The following RHAG variants were observed in gnomAD, a reference collection of about 807,000 sequenced individuals.
RHAG encodes the protein Rh associated glycoprotein.
Under a neutral mutation model 42.4 loss-of-function variants are expected in RHAG, and 25 were observed. The observed-to-expected ratio is 0.59, with a 90% CI of 0.43 to 0.82. The LOEUF (loss-of-function observed/expected upper bound fraction) is 0.82. Among genes scored for constraint, RHAG ranks in the 40% least tolerant of loss-of-function variants. The pLI is 0.00. For missense variants in RHAG, 483 were observed against 504.6 expected (o/e 0.96, Z 0.41); for synonymous variants, 182 against 177.7 (o/e 1.02, Z -0.19).
intron 1 of RHAG, among the ~76,000 whole-genome samples, chr6:49,625,814 G>C (rs562638473): frequency 3.7e-4 from 56 of 152,204 alleles, no homozygotes; most frequent in Admixed American, 3.9e-4. Context: ...AGGTTTAATT[G>C]ACTCACAGTT....
intron 4 of RHAG, 51 bp from the exon 5 acceptor site, chr6:49,614,904 C>A: frequency 3.3e-6 from 5 of 1,497,232 alleles, no homozygotes; most frequent in Non-Finnish European, 4.7e-6. Flanking sequence ...GAAGACAGTC[C>A]AGAGGATGCA....
intron 2 of RHAG, 87 bp from the exon 3 acceptor site, chr6:49,618,305 T>C (rs1762689257): frequency 7.1e-7 from 1 of 1,414,302 alleles, no homozygotes; most frequent in South Asian, 1.2e-5. Context: ...ACCAGGCACA[T>C]CCAGTGCTTC....
chr6:49,629,270 C>T (rs1171025408), intron 1 of RHAG, among the ~76,000 whole-genome samples: 1 of 151,674 alleles, frequency 6.6e-6, no homozygotes, highest in Admixed American at 6.6e-5. Flanking sequence ...AATCCCTGAG[C>T]TAGACATAAA....
At chr6:49,635,614 A>T (rs1221039769) in intron 1 of RHAG, among the ~76,000 whole-genome samples, 1 of 152,094 alleles carries the variant, frequency 6.6e-6, no homozygotes, top group Non-Finnish European at 1.5e-5. Flanking sequence ...AGACAGCTAG[A>T]CTTGGAGTCT....
chr6:49,619,359 A>G lies in RHAG; in HGVS notation c.161T>C (p.Phe54Ser). The G allele has an allele frequency of 6.2e-7, 1 of 1,613,612 alleles. No homozygotes were observed. Among genetic ancestry groups the G allele is most frequent in the South Asian group, 1.1e-5 (1 of 90,990 alleles). The change falls in exon 2 of 10, where the codon TTC becomes TCC. Residue 54 changes from phenylalanine to serine, a missense_variant. Coordinates refer to ENST00000371175, the MANE Select transcript of RHAG (RefSeq NM_000324.3). The stretch of plus-strand genomic sequence containing the variant: ...AAATATCATAACATGTACATCTTGG[A>G]ACACTGGAAAAGAGGAAAGGAAAAA... ...MGIFFELYPLFQDVHVMIFVG... is the reference protein window; with the variant it reads ...MGIFFELYPLSQDVHVMIFVG...
At chr6:49,632,138 T>G (rs1233699137) in intron 1 of RHAG, 1 of 152,204 alleles carries the variant, frequency 6.6e-6, no homozygotes, top group African/African-American at 2.4e-5. Context: ...ATGACATGTC[T>G]TTTTAATACG....
rs1040465937 is a variant in RHAG at position 49,616,335 on chromosome 6, G to A, written c.493-564C>T. Among the ~76,000 whole-genome samples, 148 of 95,784 alleles carry A rather than the reference G, an allele frequency of 1.5e-3. 2 individuals are homozygous for A. The highest frequency in any genetic ancestry group is 0.017 in the Middle Eastern group (2 of 116). 62.8% of individuals were successfully genotyped at this position (95,784 alleles called of 152,430 possible). ...ATTGCATTCCAGCCTAGGTGACAAA[G>A]CAAGAACTAATCTCAAACCAAAAAA... On this transcript the variant is annotated intron_variant, in intron 3 of 9. Transcript: ENST00000371175.
chr6:49,606,500 G>A (rs1774166172), intron 9 of RHAG, among the ~76,000 whole-genome samples: 1 of 151,694 alleles, frequency 6.6e-6, no homozygotes, highest in Non-Finnish European at 1.5e-5. Flanking sequence ...GATTTTATCT[G>A]GCTGGGCACA....
At chr6:49,624,648 A>C (rs1246979108) in intron 1 of RHAG, among the ~76,000 whole-genome samples, 1 of 152,224 alleles carries the variant, frequency 6.6e-6, no homozygotes, top group Non-Finnish European at 1.5e-5. Context: ...AAATGGGACT[A>C]ATACTTCATA....
intron 8 of RHAG, 28 bp from the exon 9 acceptor site, chr6:49,606,949 T>C (rs771546359): frequency 2.0e-6 from 3 of 1,533,694 alleles, no homozygotes; most frequent in East Asian, 2.2e-5. Flanking sequence ...AAATGAGTCA[T>C]GTTGTGACGC....
chr6:49,606,031 T>G (rs538635389), intron 9 of RHAG, among the ~76,000 whole-genome samples: 1 of 152,288 alleles, frequency 6.6e-6, no homozygotes, highest in East Asian at 1.9e-4. Flanking sequence ...TTTTCCAAAC[T>G]CATTCTCTCT....
intron 1 of RHAG, among the ~76,000 whole-genome samples, chr6:49,629,122 G>A (rs1052067198): frequency 5.3e-5 from 8 of 152,088 alleles, no homozygotes; most frequent in Non-Finnish European, 1.0e-4. Context: ...CCACACAAAG[G>A]TTCTCCAAGG....
At chr6:49,608,295 A>T (rs1009099) in intron 7 of RHAG, among the ~76,000 whole-genome samples, 8,354 of 152,262 alleles carry the variant, frequency 0.055, 265 homozygotes, top group South Asian at 0.08. Context: ...CTGTGAGAAC[A>T]TCTCCTCTGA....
At chr6:49,628,770 G>A (rs1329242834) in intron 1 of RHAG, among the ~76,000 whole-genome samples, 1 of 152,048 alleles carries the variant, frequency 6.6e-6, no homozygotes, top group African/African-American at 2.4e-5. Flanking sequence ...GTTCCTCCCG[G>A]TGGGCTCGTG....
At chr6:49,635,183 G>A (rs1279658098) in intron 1 of RHAG, among the ~76,000 whole-genome samples, 1 of 151,466 alleles carries the variant, frequency 6.6e-6, no homozygotes, top group East Asian at 1.9e-4. Flanking sequence ...TCAACCTGGT[G>A]TTGATCTCAA....
chr6:49,614,956 A>G (rs1006090322), intron 4 of RHAG, 103 bp from the exon 5 acceptor site: 57 of 1,158,156 alleles, frequency 4.9e-5, no homozygotes, highest in African/African-American at 6.2e-5. Context: ...TTGTTTATTT[A>G]TTTATTTTTG....
intron 1 of RHAG, among the ~76,000 whole-genome samples, chr6:49,620,301 G>C (rs1285821707): frequency 6.6e-6 from 1 of 152,158 alleles, no homozygotes; most frequent in African/African-American, 2.4e-5. Context: ...ATACGGTAAA[G>C]TATTATGCCA....
At chr6:49,615,229 C>G (rs897869467) in intron 4 of RHAG, 5 of 283,382 alleles carry the variant, frequency 1.8e-5, no homozygotes, top group Non-Finnish European at 3.4e-5. Context: ...GGATTACAGG[C>G]GTGAGCCACC....
At chr6:49,608,725 T>A (rs1207420260) in intron 7 of RHAG, among the ~76,000 whole-genome samples, 2 of 152,196 alleles carry the variant, frequency 1.3e-5, no homozygotes, top group Non-Finnish European at 2.9e-5. Context: ...ACAATTTATA[T>A]TCCAATTTTT....
Sources: gnomAD v4.1 joint callset for allele counts (sites outside exome capture counted in the v4.1 genomes callset) on GRCh38, gnomAD v4.1.1 for gene constraint, MANE v1.5 for transcripts, NCBI Gene and HGNC (gene_info 2026-07-23, HGNC 2026-07-21) for gene names.